Variants in MREG observed in about 807,000 individuals in gnomAD.
MREG encodes the protein melanoregulin, also known as dilute suppressor protein homolog.
A neutral mutation model predicts 28.5 loss-of-function variants in MREG; 31 were observed. The observed-to-expected ratio is 1.09, with a 90% CI of 0.82 to 1.47. MREG has a LOEUF of 1.47. Ranked by LOEUF, MREG falls within the 40% of genes most tolerant of loss-of-function variation. MREG has a pLI of 0.00. For synonymous variants in MREG, 106 were observed against 95.2 expected (o/e 1.11, Z -0.66); for missense variants, 256 against 257.4 (o/e 0.99, Z 0.04).
chr2:216,012,429 A>G (rs1260459688), intron 1 of MREG, among the ~76,000 whole-genome samples: 1 of 152,224 alleles, frequency 6.6e-6, no homozygotes, highest in Non-Finnish European at 1.5e-5. Context: ...CAAAAGAAAG[A>G]AACCCTGGCT....
intron 1 of MREG, among the ~76,000 whole-genome samples, chr2:216,010,352 C>T (rs371897002): frequency 1.5e-4 from 11 of 75,654 alleles, no homozygotes; most frequent in South Asian, 4.4e-4. Context: ...GAAAAGATTT[C>T]TCTTTTTTTT....
At chr2:215,977,137 C>T (rs200511183) in intron 2 of MREG, among the ~76,000 whole-genome samples, 1 of 152,198 alleles carries the variant, frequency 6.6e-6, no homozygotes, top group Non-Finnish European at 1.5e-5. Context: ...GGAGACTCAT[C>T]TCACTTGCAG....
chr2:216,004,359 G>A (rs572494215), intron 1 of MREG, among the ~76,000 whole-genome samples: 5 of 152,036 alleles, frequency 3.3e-5, no homozygotes, highest in Admixed American at 1.3e-4. Flanking sequence ...CAACACTACC[G>A]CCACCACCAC....
At chr2:216,027,187 G>T (rs1002775732) in intron 1 of MREG, among the ~76,000 whole-genome samples, 1 of 152,192 alleles carries the variant, frequency 6.6e-6, no homozygotes, top group Non-Finnish European at 1.5e-5. Flanking sequence ...GTGAACGGTG[G>T]TATAGGAATA....
chr2:215,993,264 C>G (rs1162868145), intron 2 of MREG, among the ~76,000 whole-genome samples: 1 of 152,088 alleles, frequency 6.6e-6, no homozygotes, highest in African/African-American at 2.4e-5. Flanking sequence ...AGAAGTAACG[C>G]CACACATCTA....
intron 2 of MREG, among the ~76,000 whole-genome samples, chr2:215,965,857 TGAACCAATC>T (rs1313205365): frequency 1.3e-5 from 2 of 152,136 alleles, no homozygotes; most frequent in East Asian, 3.9e-4. Context: ...TGAAGGCAGG[TGAACCAATC>T]TAATTTCTCA....
intron 2 of MREG, among the ~76,000 whole-genome samples, chr2:215,958,555 C>A (rs927065775): frequency 2.0e-5 from 3 of 152,208 alleles, no homozygotes; most frequent in Non-Finnish European, 4.4e-5. Flanking sequence ...CCTTAATGAA[C>A]TCCTTGACCT....
chr2:216,017,538 T>G (rs976347134), upstream of MREG, among the ~76,000 whole-genome samples: 1 of 152,162 alleles, frequency 6.6e-6, no homozygotes, highest in African/African-American at 2.4e-5. Context: ...GCTAGATGGT[T>G]CCTACTGCCT....
chr2:216,021,657 T>C (rs993334918), intron 1 of MREG, among the ~76,000 whole-genome samples: 3 of 152,062 alleles, frequency 2.0e-5, no homozygotes, highest in South Asian at 2.1e-4. Flanking sequence ...ACTGGCAGGG[T>C]TGTTTAGAGT....
intron 2 of MREG, among the ~76,000 whole-genome samples, chr2:215,949,087 C>CTAATAATAA (rs58773562): frequency 2.2e-3 from 275 of 124,552 alleles, no homozygotes; most frequent in Non-Finnish European, 2.8e-3. Context: ...ACTACTACTA[C>CTAATAATAA]TAATAATAAT....
In MREG at chr2:215,944,906, T is replaced by C; in HGVS notation, c.602A>G (p.Asp201Gly). The change falls in exon 5 of 5, where the codon GAT becomes GGT. Residue 201 changes from aspartate to glycine, a missense_variant. Coordinates refer to ENST00000263268, the MANE Select transcript of MREG (RefSeq NM_018000.3). ...AAGGTAGTGCAGTTCTTTCTGGCCATCTGCCAGGCATGGAACCCCAGGCTT... is the reference window on the plus strand; with the variant it reads ...AAGGTAGTGCAGTTCTTTCTGGCCACCTGCCAGGCATGGAACCCCAGGCTT... ...PKKPGVPCLA[D>G]GQKELHYLPF... 1 of 1,608,210 alleles carries C rather than the reference T, an allele frequency of 6.2e-7. No individual in the cohort carries two copies. The highest frequency in any genetic ancestry group is 8.5e-7 in the Non-Finnish European group (1 of 1,175,164).
rs147892729 is a variant in MREG at position 216,012,671 on chromosome 2, C to T, written c.95+562G>A. On this transcript the variant is annotated intron_variant, in intron 1 of 4. Coordinates refer to ENST00000263268, the MANE Select transcript of MREG (RefSeq NM_018000.3). ...CTTATTGCTAATGAGCATTACATTT[C>T]CTCACACTTCATAGCTTAACCTGTA... is the stretch of plus-strand genomic sequence containing the variant. 6.9e-3 allele frequency among the ~76,000 whole-genome samples: 1,050 copies of T among 152,270 alleles called. 9 individuals are homozygous for T. The highest frequency in any genetic ancestry group is 0.024 in the African/African-American group (996 of 41,540).
Position 216,019,977 on chromosome 2 carries a change from C to A in MREG, c.-68+12812G>T, listed in dbSNP as rs965129072. Among the ~76,000 whole-genome samples the A allele has an allele frequency of 2.0e-5, 3 of 152,064 alleles. No individual in the cohort carries two copies. In the East Asian group the frequency reaches 5.8e-4, roughly 29 times the overall value. Reference sequence around the variant, plus strand: ...ATTACTCTCTAGGCAACTTCATACTCGGGAATAATTCTGCCCTTTTAAAAA... The same window carrying A: ...ATTACTCTCTAGGCAACTTCATACTAGGGAATAATTCTGCCCTTTTAAAAA... On this transcript the variant is annotated intron_variant, in intron 1 of 3. Transcript: ENST00000420348.
chr2:215,944,956 C>T lies in MREG; in HGVS notation c.552G>A (p.Lys184=), dbSNP rs2105964227. The T allele has an allele frequency of 1.2e-6, 2 of 1,606,304 alleles. No homozygotes were observed. Among genetic ancestry groups the T allele is most frequent in the East Asian group, 2.2e-5 (1 of 44,728 alleles). ...IALDAAEEFF[K]LARRTYPKKP... is the part of the protein sequence containing the mutation. ...TCTTGGGGTAAGTTCGACGAGCAAG[C>T]TTAAAGAACTCTTCTGCAGCATCAA... The change falls in exon 5 of 5, where the codon AAG becomes AAA. Residue 184 remains lysine, a synonymous_variant. Transcript: ENST00000263268.
intron 2 of MREG, among the ~76,000 whole-genome samples, chr2:215,952,965 CTCTT>C (rs1469058477): frequency 6.6e-6 from 1 of 152,130 alleles, no homozygotes; most frequent in Non-Finnish European, 1.5e-5. Flanking sequence ...CGTGTGCTCT[CTCTT>C]TCTCTCTCTC....
At chr2:216,029,102 CTTTATTTA>C (rs150371337) in intron 1 of MREG, among the ~76,000 whole-genome samples, 2 of 151,858 alleles carry the variant, frequency 1.3e-5, no homozygotes, top group African/African-American at 4.9e-5. Flanking sequence ...TTATATTCAT[CTTTATTTA>C]TTTATTTAAA....
chr2:215,981,146 A>G (rs1446022049), intron 2 of MREG, among the ~76,000 whole-genome samples: 1 of 152,190 alleles, frequency 6.6e-6, no homozygotes, highest in African/African-American at 2.4e-5. Context: ...CAACAATTCC[A>G]CTTCTAGGTA....
At chr2:215,998,664 T>C (rs1412661470) in intron 1 of MREG, among the ~76,000 whole-genome samples, 1 of 152,246 alleles carries the variant, frequency 6.6e-6, no homozygotes, top group African/African-American at 2.4e-5. Context: ...ACAGCCTGAC[T>C]CTTCCTAAGA....
At chr2:216,014,617 C>G (rs1694399495), upstream of MREG, among the ~76,000 whole-genome samples, 2 of 150,980 alleles carry the variant, frequency 1.3e-5, no homozygotes, top group South Asian at 2.1e-4. Context: ...CCACTGCACT[C>G]CAGCCTGGGT....
Sources: allele counts gnomAD v4.1 joint callset (sites outside exome capture counted in the v4.1 genomes callset), GRCh38; gene constraint gnomAD v4.1.1; transcripts MANE v1.5; gene names NCBI Gene and HGNC (gene_info 2026-07-23, HGNC 2026-07-21).